ST6GAL2: variants seen among roughly 807,000 people sequenced by gnomAD.
ST6GAL2 encodes the protein beta-galactoside alpha-2,6-sialyltransferase 2.
A neutral mutation model predicts 37.5 loss-of-function variants in ST6GAL2; 24 were observed. That is an observed-to-expected ratio of 0.64 (90% CI 0.46 to 0.90). ST6GAL2 has a LOEUF of 0.90. ST6GAL2 is among the 40% of genes least tolerant of loss of function. The pLI is 0.00. For synonymous variants in ST6GAL2, 306 were observed against 295.1 expected (o/e 1.04, Z -0.38); for missense variants, 715 against 712.7 (o/e 1.00, Z -0.04).
intron 1 of ST6GAL2, among the ~76,000 whole-genome samples, chr2:106,853,904 A>ATC (rs1239113719): frequency 6.6e-6 from 1 of 152,180 alleles, no homozygotes; most frequent in East Asian, 1.9e-4. Context: ...AACAGCATTC[A>ATC]TCTGCTTTGG....
At chr2:106,808,832 C>A (rs1675511108) in intron 5 of ST6GAL2, among the ~76,000 whole-genome samples, 1 of 152,134 alleles carries the variant, frequency 6.6e-6, no homozygotes, top group Admixed American at 6.5e-5. Context: ...ATGGTGAAAT[C>A]CCATCTCTAC....
chr2:106,881,104 G>A (rs1397276765), intron 1 of ST6GAL2, among the ~76,000 whole-genome samples: 1 of 152,116 alleles, frequency 6.6e-6, no homozygotes, highest in Non-Finnish European at 1.5e-5. Context: ...TCCCAACTCA[G>A]CCTCCTGAGT....
At chr2:106,868,571 C>T (rs554706944) in intron 1 of ST6GAL2, among the ~76,000 whole-genome samples, 4 of 152,290 alleles carry the variant, frequency 2.6e-5, no homozygotes, top group South Asian at 4.1e-4. Flanking sequence ...ATCGCTGCAC[C>T]GGAAGCCTCT....
At chr2:106,840,185 C>T (rs1184021688) in intron 2 of ST6GAL2, among the ~76,000 whole-genome samples, 1 of 152,216 alleles carries the variant, frequency 6.6e-6, no homozygotes, top group African/African-American at 2.4e-5. Flanking sequence ...TTCAATTTTT[C>T]ATAAGATCGT....
intron 5 of ST6GAL2, among the ~76,000 whole-genome samples, chr2:106,814,114 T>C (rs559029682): frequency 6.6e-5 from 10 of 152,314 alleles, no homozygotes; most frequent in African/African-American, 2.4e-4. Context: ...AACAAAATAG[T>C]ATAATGCAAG....
intron 5 of ST6GAL2, among the ~76,000 whole-genome samples, chr2:106,809,248 G>A (rs1296084635): frequency 6.6e-6 from 1 of 152,230 alleles, no homozygotes; most frequent in African/African-American, 2.4e-5. Flanking sequence ...GCTGAAGGGG[G>A]TGGACTTCAT....
At chr2:106,808,872 T>C (rs565368228) in intron 5 of ST6GAL2, among the ~76,000 whole-genome samples, 1 of 152,290 alleles carries the variant, frequency 6.6e-6, no homozygotes, top group Admixed American at 6.5e-5. Context: ...CTGGGCATGG[T>C]GGCATGTGCC....
Position 106,842,705 on chromosome 2 carries a change from A to G in ST6GAL2, c.943+330T>C, listed in dbSNP as rs189205258. On this transcript the variant is annotated intron_variant, in intron 2 of 5. Coordinates refer to ENST00000409382, the MANE Select transcript of ST6GAL2 (RefSeq NM_001142351.2). ...TTTCTATGGGATACGAAGTCTGAAC[A>G]GTGAGAAGGACGCCGGGGGCAAAGG... 3.6e-3 allele frequency among the ~76,000 whole-genome samples: 551 copies of G among 152,270 alleles called. 6 individuals carry two copies. The highest frequency in any genetic ancestry group is 0.012 in the African/African-American group (512 of 41,564).
At chr2:106,842,377 T>C (rs373485100) in intron 2 of ST6GAL2, among the ~76,000 whole-genome samples, 1 of 152,256 alleles carries the variant, frequency 6.6e-6, no homozygotes, top group Non-Finnish European at 1.5e-5. Flanking sequence ...ATTTACCATC[T>C]TGGAGAAGGT....
intron 1 of ST6GAL2, among the ~76,000 whole-genome samples, chr2:106,876,570 A>G (rs1035870291): frequency 5.3e-5 from 8 of 152,214 alleles, no homozygotes; most frequent in African/African-American, 1.9e-4. Context: ...ATCTACTCTG[A>G]TATAAATCAG....
At chr2:106,850,712 A>G (rs1677323616) in intron 1 of ST6GAL2, among the ~76,000 whole-genome samples, 1 of 152,234 alleles carries the variant, frequency 6.6e-6, no homozygotes, top group African/African-American at 2.4e-5. Flanking sequence ...TCAATGTTAC[A>G]GCCCTGGATC....
chr2:106,831,638 G>A (rs1676429690), intron 4 of ST6GAL2, among the ~76,000 whole-genome samples: 1 of 152,208 alleles, frequency 6.6e-6, no homozygotes, highest in South Asian at 2.1e-4. Flanking sequence ...CTCTCCAGGT[G>A]ATTTTGACTT....
chr2:106,838,679 T>C (rs1487467798), intron 2 of ST6GAL2, among the ~76,000 whole-genome samples: 2 of 152,170 alleles, frequency 1.3e-5, no homozygotes, highest in Non-Finnish European at 2.9e-5. Flanking sequence ...TTTCCTTATC[T>C]GTAAAATGGG....
In ST6GAL2 at chr2:106,877,532, G is replaced by A. The variant is rs546420380; in HGVS notation, c.-58+8561C>T. On this transcript the variant is annotated intron_variant, in intron 1 of 5. Coordinates refer to ENST00000409382, the MANE Select transcript of ST6GAL2 (RefSeq NM_001142351.2). ...CCATTCTACCATCATAAACAATGGGGCCTGTGACTTAGTCTCTATTTCTCC... is the reference window on the plus strand; with the variant it reads ...CCATTCTACCATCATAAACAATGGGACCTGTGACTTAGTCTCTATTTCTCC... 3.3e-5 allele frequency among the ~76,000 whole-genome samples: 5 copies of A among 152,270 alleles called. No homozygotes were observed. In the South Asian group the frequency reaches 1.0e-3, roughly 32 times the overall value.
intron 1 of ST6GAL2, among the ~76,000 whole-genome samples, chr2:106,869,731 G>C (rs192066384): frequency 4.1e-4 from 63 of 152,322 alleles, no homozygotes; most frequent in Middle Eastern, 6.8e-3. Context: ...ACACACAACA[G>C]TGGGGGGCAT....
rs115855002 is a variant in ST6GAL2, at chr2:106,824,999, T to C, written c.1318+5067A>G. The stretch of plus-strand genomic sequence containing the variant: ...GTGTCAGTATCACTTGAGAACTTGT[T>C]CCAAATGCAAATTCTCACAACCTCC... On this transcript the variant is annotated intron_variant, in intron 5 of 5. Transcript: ENST00000409382. The C allele has an allele frequency of 1.4e-3, 213 of 152,226 alleles. 1 individual carries two copies. The highest frequency in any genetic ancestry group is 4.9e-3 in the African/African-American group (204 of 41,550). 9.4% of individuals were successfully genotyped at this position (152,226 alleles called of 1,614,324 possible). A position where few individuals can be genotyped will look rare whatever the true frequency, so the allele number is the denominator to read the frequency against.
intron 5 of ST6GAL2, among the ~76,000 whole-genome samples, chr2:106,812,534 G>A: frequency 6.6e-6 from 1 of 152,136 alleles, no homozygotes; most frequent in East Asian, 1.9e-4. Flanking sequence ...CACACACATA[G>A]TGAACCACGC....
intron 1 of ST6GAL2, among the ~76,000 whole-genome samples, chr2:106,850,261 G>A (rs191767823): frequency 4.6e-5 from 7 of 152,314 alleles, no homozygotes; most frequent in African/African-American, 1.4e-4. Flanking sequence ...GCAGGATAGA[G>A]GGGGCTGCGT....
At chr2:106,886,547 A>G (rs1483304194), upstream of ST6GAL2, 2 of 151,432 alleles carry the variant, frequency 1.3e-5, no homozygotes, top group South Asian at 2.1e-4. Flanking sequence ...TGCACGCCTC[A>G]TTGTTTCGGG....
Sources: allele counts gnomAD v4.1 joint callset (sites outside exome capture counted in the v4.1 genomes callset), GRCh38; gene constraint gnomAD v4.1.1; transcripts MANE v1.5; gene names NCBI Gene and HGNC (gene_info 2026-07-23, HGNC 2026-07-21).